Variants in UBE2R2 observed in about 807,000 individuals in gnomAD.
UBE2R2 encodes the protein ubiquitin conjugating enzyme E2 R2.
Under a neutral mutation model 27.8 loss-of-function variants are expected in UBE2R2, and 1 was observed. The ratio of observed to expected loss-of-function variants is 0.04; its 90% CI spans 0.01 to 0.17. The LOEUF (loss-of-function observed/expected upper bound fraction) is 0.17. Among genes scored for constraint, UBE2R2 ranks in the 10% least tolerant of loss-of-function variants. The pLI is 1.00. For missense variants in UBE2R2, 100 were observed against 291.0 expected (o/e 0.34, Z 4.78); for synonymous variants, 106 against 113.3 (o/e 0.94, Z 0.41).
intron 1 of UBE2R2, among the ~76,000 whole-genome samples, chr9:33,883,447 G>A (rs1175211168): frequency 1.3e-5 from 2 of 152,148 alleles, no homozygotes. Context: ...CGAGTGCGGT[G>A]GCTCATGTCT....
At position 33,834,913 on chromosome 9, in the gene UBE2R2, G is replaced by GA. The variant is rs567640189; in HGVS notation, c.177+16990dup. On this transcript the variant is annotated intron_variant, in intron 1 of 4. Transcript: ENST00000263228. ...CAACAAGACCGAAACTCTGTCTCAG[G>GA]AAAAAAAAAAACAAAAGAAAAGAAA... 9.0e-3 allele frequency among the ~76,000 whole-genome samples: 1,071 copies of GA among 118,406 alleles called. 5 individuals carry two copies. The highest frequency in any genetic ancestry group is 0.014 in the South Asian group (49 of 3,582). The allele number at this position is 118,406 out of a possible 152,430, so 77.7% of individuals were successfully genotyped here.
chr9:33,872,466 T>C (rs543231831), intron 1 of UBE2R2, among the ~76,000 whole-genome samples: 1 of 152,172 alleles, frequency 6.6e-6, no homozygotes, highest in Non-Finnish European at 1.5e-5. Context: ...CAGATGATAA[T>C]TTTTTTAAAT....
intron 3 of UBE2R2, among the ~76,000 whole-genome samples, chr9:33,901,523 C>A (rs766309348): frequency 1.1e-4 from 16 of 152,172 alleles, no homozygotes; most frequent in South Asian, 4.2e-4. Context: ...ATTTTGAATT[C>A]TTCTGCATGG....
At chr9:33,844,105 CAGTG>C (rs746712545) in intron 1 of UBE2R2, among the ~76,000 whole-genome samples, 25 of 152,320 alleles carry the variant, frequency 1.6e-4, no homozygotes, top group Admixed American at 2.6e-4. Context: ...ATGAATAATA[CAGTG>C]AGTAACCATA....
At chr9:33,882,230 A>G (rs755824520) in intron 1 of UBE2R2, among the ~76,000 whole-genome samples, 9 of 152,106 alleles carry the variant, frequency 5.9e-5, no homozygotes, top group Non-Finnish European at 5.9e-5. Flanking sequence ...ACAGATCTAG[A>G]ATCAGGTGTT....
chr9:33,886,601 G>A (rs1227415471), intron 1 of UBE2R2, among the ~76,000 whole-genome samples: 1 of 149,716 alleles, frequency 6.7e-6, no homozygotes, highest in African/African-American at 2.5e-5. Flanking sequence ...GTTGCAGTGA[G>A]CTGAGGTCAC....
intron 1 of UBE2R2, among the ~76,000 whole-genome samples, chr9:33,866,475 G>A (rs1821366764): frequency 6.6e-6 from 1 of 152,088 alleles, no homozygotes; most frequent in African/African-American, 2.4e-5. Context: ...CTGACTTCAG[G>A]CGATCCACCC....
At chr9:33,902,745 G>A (rs1266225390) in intron 3 of UBE2R2, among the ~76,000 whole-genome samples, 4 of 152,118 alleles carry the variant, frequency 2.6e-5, no homozygotes, top group African/African-American at 7.2e-5. Context: ...AGTGTCCTAC[G>A]TAGCAAATTA....
intron 1 of UBE2R2, among the ~76,000 whole-genome samples, chr9:33,869,255 C>T (rs1037111171): frequency 6.6e-6 from 1 of 151,946 alleles, no homozygotes; most frequent in Non-Finnish European, 1.5e-5. Context: ...GGCAAGAGAC[C>T]CTGTCTCAAA....
chr9:33,881,211 A>G (rs1295586080), intron 1 of UBE2R2, among the ~76,000 whole-genome samples: 4 of 152,172 alleles, frequency 2.6e-5, no homozygotes, highest in East Asian at 1.9e-4. Flanking sequence ...TCTAAAGTAT[A>G]CTTTCTCTGT....
intron 2 of UBE2R2, among the ~76,000 whole-genome samples, chr9:33,892,771 A>G (rs1390841185): frequency 6.6e-6 from 1 of 152,208 alleles, no homozygotes; most frequent in Admixed American, 6.5e-5. Context: ...AAATTTGGCC[A>G]TATATCAGAA....
intron 3 of UBE2R2, 98 bp from the exon 4 acceptor site, chr9:33,911,866 G>T: frequency 1.7e-6 from 2 of 1,177,016 alleles, no homozygotes; most frequent in Non-Finnish European, 2.2e-6. Context: ...TTAAGGGAGG[G>T]AGAATTTGAA....
At chr9:33,898,004 A>T (rs1376268281) in intron 2 of UBE2R2, among the ~76,000 whole-genome samples, 1 of 151,372 alleles carries the variant, frequency 6.6e-6, no homozygotes, top group Non-Finnish European at 1.5e-5. Flanking sequence ...CGAACTCCTG[A>T]CCTCAGGTGA....
intron 1 of UBE2R2, among the ~76,000 whole-genome samples, chr9:33,821,465 T>A (rs1026927256): frequency 1.3e-5 from 2 of 152,162 alleles, no homozygotes; most frequent in Admixed American, 1.3e-4. Context: ...GCTGGAACTA[T>A]CTTTTCAAAT....
chr9:33,840,708 T>C (rs1047084960), intron 1 of UBE2R2, among the ~76,000 whole-genome samples: 8 of 152,228 alleles, frequency 5.3e-5, no homozygotes, highest in Middle Eastern at 3.4e-3. Flanking sequence ...GGTTTAAAAA[T>C]AGTGACATTC....
At chr9:33,877,844 T>TCTCTCTCTCTCTCTCC (rs1563997792) in intron 1 of UBE2R2, among the ~76,000 whole-genome samples, 3 of 151,522 alleles carry the variant, frequency 2.0e-5, no homozygotes, top group African/African-American at 7.3e-5. Flanking sequence ...TCTCTCTCTC[T>TCTCTCTCTCTCTCTCC]CTCTCCCACT....
intron 1 of UBE2R2, among the ~76,000 whole-genome samples, chr9:33,845,138 C>G (rs529010153): frequency 6.6e-6 from 1 of 152,176 alleles, no homozygotes. Flanking sequence ...AGCAACTGTT[C>G]TCACCAAAAA....
chr9:33,917,535 A>G lies in UBE2R2; in HGVS notation c.*298A>G. 1.9e-6 allele frequency: 1 copy of G among 536,990 alleles called. No homozygotes were observed. The highest frequency in any genetic ancestry group is 3.0e-5 in the South Asian group (1 of 32,926). 33.3% of individuals were successfully genotyped at this position (536,990 alleles called of 1,614,324 possible). A position where few individuals can be genotyped will look rare whatever the true frequency, so the allele number is the denominator to read the frequency against. ...AACTCCCGCCTCACTTCGTCTCTACAGAATGTTCACAGCAAAACACGTTTG... is the reference window on the plus strand; with the variant it reads ...AACTCCCGCCTCACTTCGTCTCTACGGAATGTTCACAGCAAAACACGTTTG... On this transcript the variant is annotated 3_prime_UTR_variant, in exon 5 of 5. Transcript: ENST00000263228.
intron 1 of UBE2R2, among the ~76,000 whole-genome samples, chr9:33,841,718 G>A (rs1385950527): frequency 2.6e-5 from 4 of 151,776 alleles, no homozygotes; most frequent in East Asian, 1.9e-4. Context: ...ATAATACATC[G>A]GTGTATATTT....
Sources: allele counts gnomAD v4.1 joint callset (sites outside exome capture counted in the v4.1 genomes callset), GRCh38; gene constraint gnomAD v4.1.1; transcripts MANE v1.5; gene names NCBI Gene and HGNC (gene_info 2026-07-23, HGNC 2026-07-21).